The following YTHDC2 variants were observed in gnomAD, a reference collection of about 807,000 sequenced individuals.
YTHDC2 encodes the protein YTH N6-methyladenosine RNA binding protein C2, also known as 3'-5' RNA helicase YTHDC2.
Under a neutral mutation model 174.9 loss-of-function variants are expected in YTHDC2, and 45 were observed. The observed-to-expected ratio is 0.26, with a 90% confidence interval of 0.20 to 0.33. The LOEUF (loss-of-function observed/expected upper bound fraction) is 0.33. YTHDC2 is among the 10% of genes least tolerant of loss of function. The pLI, the probability that YTHDC2 is intolerant of heterozygous loss-of-function variation, is 1.00. For missense variants in YTHDC2, 1,650 were observed against 1,723.7 expected, an observed-to-expected ratio of 0.96 and a Z score of 0.76; for synonymous variants, 657 against 574.5, an observed-to-expected ratio of 1.14 and a Z score of -2.05.
In YTHDC2 at chr5:113,594,294, T is replaced by C. The variant is rs1779151199; in HGVS notation, c.*820T>C. On this transcript the variant is annotated 3_prime_UTR_variant, in exon 30 of 30. Coordinates refer to ENST00000161863, the MANE Select transcript of YTHDC2 (RefSeq NM_022828.5). Reference sequence around the variant, plus strand: ...ACATCTCTTATATGAGCACAGTAATTATGACCTTTTTGTTTTGGCTACAAC... The same window carrying C: ...ACATCTCTTATATGAGCACAGTAATCATGACCTTTTTGTTTTGGCTACAAC... 1 of 152,100 alleles carries C rather than the reference T, an allele frequency of 6.6e-6. No homozygotes were observed. The highest frequency in any genetic ancestry group is 1.5e-5 in the Non-Finnish European group (1 of 68,004). The allele number at this position is 152,100 out of a possible 1,614,324, so 9.4% of individuals were successfully genotyped here.
In YTHDC2 at chr5:113,513,862, C is replaced by G. The variant is rs1773189503; in HGVS notation, c.-34C>G. 3 of 1,559,932 alleles carry G rather than the reference C, an allele frequency of 1.9e-6. No individual in the cohort carries two copies. Among genetic ancestry groups the G allele is most frequent in the African/African-American group, 1.4e-5 (1 of 72,196 alleles). On this transcript the variant is annotated 5_prime_UTR_variant, in exon 1 of 30. Transcript: ENST00000161863. ...TTGGCTGTCAGCTAGCAGGCCTGGC[C>G]GCTCCCGTGCGGAGAGACCATCTCT...
In YTHDC2 at chr5:113,565,941, A is replaced by G. The variant is rs767626402; in HGVS notation, c.2764A>G (p.Lys922Glu). 5 of 1,613,798 alleles carry G rather than the reference A, an allele frequency of 3.1e-6. No homozygotes were observed. Among genetic ancestry groups the G allele is most frequent in the Non-Finnish European group, 4.2e-6 (5 of 1,179,814 alleles). ...TGGGTGGGAGCGAGCCTTTTGTGAA[A>G]AGAATTTTCTTTCACAGGCTACTAT... ...SDGWERAFCE[K>E]NFLSQATMEI... Residue 922 changes from lysine (K) to glutamate (E), a missense_variant, in exon 21 of 30, where the codon AAG becomes GAG. By Grantham distance (56) the Lys-to-Glu change is moderately conservative. Transcript: ENST00000161863.
At chr5:113,560,839 T>C (rs1396203289) in intron 17 of YTHDC2, among the ~76,000 whole-genome samples, 1 of 152,208 alleles carries the variant, frequency 6.6e-6, no homozygotes, top group Non-Finnish European at 1.5e-5. Context: ...ATTTTTACCA[T>C]AACCCTACAA....
At position 113,589,408 on chromosome 5, in the gene YTHDC2, A is replaced by AATAT. The variant is rs34243829; in HGVS notation, c.3826-1612_3826-1609dup. On this transcript the variant is annotated intron_variant, in intron 26 of 29. Coordinates refer to ENST00000161863, the MANE Select transcript of YTHDC2 (RefSeq NM_022828.5). The stretch of plus-strand genomic sequence containing the variant: ...TCTTTTAAAAATTAAAAAAAAAAAA[A>AATAT]ATATATATATATATATATATATATG... Among the ~76,000 whole-genome samples the AATAT allele has an allele frequency of 5.6e-3, 684 of 123,214 alleles. 5 individuals carry two copies. The highest frequency in any genetic ancestry group is 0.011 in the South Asian group (42 of 3,888). 80.8% of individuals were successfully genotyped at this position (123,214 alleles called of 152,430 possible).
intron 23 of YTHDC2, among the ~76,000 whole-genome samples, chr5:113,572,763 A>G (rs1011167842): frequency 1.1e-4 from 16 of 152,222 alleles, no homozygotes; most frequent in Admixed American, 2.6e-4. Flanking sequence ...GTTTTATCAG[A>G]AACTAGGATT....
At chr5:113,541,550 C>G (rs1476426626) in intron 9 of YTHDC2, among the ~76,000 whole-genome samples, 1 of 151,928 alleles carries the variant, frequency 6.6e-6, no homozygotes, top group Non-Finnish European at 1.5e-5. Flanking sequence ...TATTTTAGAC[C>G]ACAACCAATT....
At chr5:113,535,832 T>C in intron 7 of YTHDC2, 34 bp downstream of exon 7, 1 of 1,511,550 alleles carries the variant, frequency 6.6e-7, no homozygotes, top group South Asian at 1.3e-5. Context: ...TCTATAATTT[T>C]TATGAAAGAA....
At chr5:113,539,361 A>C (rs1010258756) in intron 8 of YTHDC2, among the ~76,000 whole-genome samples, 180 bp downstream of exon 8, 1 of 152,308 alleles carries the variant, frequency 6.6e-6, no homozygotes, top group Non-Finnish European at 1.5e-5. Flanking sequence ...GTTTGTGTCC[A>C]GAAGTTATAA....
chr5:113,591,269 T>G (rs763382226), intron 27 of YTHDC2, 25 bp downstream of exon 27: 2 of 1,612,064 alleles, frequency 1.2e-6, no homozygotes, highest in Non-Finnish European at 1.7e-6. Context: ...ATCAGTAAAA[T>G]GGGGTTGTTC....
intron 4 of YTHDC2, among the ~76,000 whole-genome samples, chr5:113,528,406 A>G (rs973396255): frequency 3.3e-5 from 5 of 152,098 alleles, no homozygotes; most frequent in Non-Finnish European, 5.9e-5. Context: ...TGTAAGTAGT[A>G]TTTTATCTTG....
intron 13 of YTHDC2, 95 bp from the exon 14 acceptor site, chr5:113,553,495 A>G (rs1776401570): frequency 6.9e-7 from 1 of 1,457,624 alleles, no homozygotes; most frequent in Admixed American, 1.9e-5. Flanking sequence ...ATAGTTTACC[A>G]GTACTTGAAA....
intron 4 of YTHDC2, among the ~76,000 whole-genome samples, chr5:113,532,656 A>G (rs1187797279): frequency 1.3e-5 from 2 of 152,126 alleles, no homozygotes; most frequent in East Asian, 3.8e-4. Flanking sequence ...ATATTCCTGG[A>G]TATATTTGAT....
At chr5:113,591,570 G>C (rs1224030501) in intron 27 of YTHDC2, among the ~76,000 whole-genome samples, 2 of 152,096 alleles carry the variant, frequency 1.3e-5, no homozygotes, top group African/African-American at 2.4e-5. Context: ...AAGGAAGTTA[G>C]TATTGACAAT....
intron 23 of YTHDC2, among the ~76,000 whole-genome samples, chr5:113,572,496 C>T (rs571871086): frequency 6.6e-6 from 1 of 152,314 alleles, no homozygotes; most frequent in Admixed American, 6.5e-5. Flanking sequence ...TGATCCAGAG[C>T]TGAGTTCAGG....
At chr5:113,589,308 A>G (rs1250900222) in intron 26 of YTHDC2, among the ~76,000 whole-genome samples, 1 of 147,316 alleles carries the variant, frequency 6.8e-6, no homozygotes, top group Non-Finnish European at 1.5e-5. Flanking sequence ...TGATGTTTTT[A>G]TTTAGTGTCT....
At chr5:113,546,667 A>T (rs535947528) in intron 10 of YTHDC2, among the ~76,000 whole-genome samples, 1 of 152,266 alleles carries the variant, frequency 6.6e-6, no homozygotes, top group South Asian at 2.1e-4. Context: ...AGCCTGAAAC[A>T]TTTATTATCT....
At position 113,574,225 on chromosome 5, in the gene YTHDC2, G is replaced by A. The variant is rs998742926; in HGVS notation, c.3245-5361G>A. On this transcript the variant is annotated intron_variant, in intron 23 of 29. Coordinates refer to ENST00000161863, the MANE Select transcript of YTHDC2 (RefSeq NM_022828.5). ...GGCCAGTCTTCCATAGGGCTGCTGC[G>A]GTTTGCTGGGGCTCCCCACCAGACC... Among the ~76,000 whole-genome samples, 8 of 152,142 alleles carry A rather than the reference G, an allele frequency of 5.3e-5. No individual in the cohort carries two copies. In the East Asian group the frequency reaches 1.5e-3, roughly 29 times the overall value.
chr5:113,573,293 G>A (rs1279930383), intron 23 of YTHDC2, among the ~76,000 whole-genome samples: 3 of 152,096 alleles, frequency 2.0e-5, no homozygotes, highest in Non-Finnish European at 4.4e-5. Flanking sequence ...TTGAATATTG[G>A]CCCCCAATCT....
chr5:113,556,261 T>TA, intron 17 of YTHDC2, 127 bp downstream of exon 17: 1 of 506,652 alleles, frequency 2.0e-6, no homozygotes, highest in South Asian at 5.6e-5. Context: ...ATTTTTATAT[T>TA]ATTTTTGCAA....
Sources: gnomAD v4.1 joint callset for allele counts (sites outside exome capture counted in the v4.1 genomes callset) on GRCh38, gnomAD v4.1.1 for gene constraint, MANE v1.5 for transcripts, NCBI Gene and HGNC (gene_info 2026-07-23, HGNC 2026-07-21) for gene names.